Variants in CCDC92 observed in about 807,000 individuals in gnomAD.
CCDC92 encodes the protein coiled-coil domain containing 92.
CCDC92 carries 12 observed loss-of-function variants against 24.9 expected under a neutral mutation model. That is an observed-to-expected ratio of 0.48 (90% confidence interval 0.31 to 0.78). The LOEUF is 0.78. CCDC92 is among the 30% of genes least tolerant of loss of function. The probability of loss-of-function intolerance (pLI) is 0.05; values close to 1 mark genes in which losing one functional copy is unlikely to be tolerated. For missense variants in CCDC92, 399 were observed against 439.4 expected, an observed-to-expected ratio of 0.91 and a Z score of 0.82; for synonymous variants, 193 against 196.3, an observed-to-expected ratio of 0.98 and a Z score of 0.14.
intron 1 of CCDC92, among the ~76,000 whole-genome samples, chr12:123,965,694 A>G (rs1490381178): frequency 6.6e-6 from 1 of 152,210 alleles, no homozygotes; most frequent in Non-Finnish European, 1.5e-5. Context: ...AGGGACTCTA[A>G]AGACTGTCAG....
At chr12:123,963,102 A>C (rs1226878688) in intron 1 of CCDC92, among the ~76,000 whole-genome samples, 1 of 152,144 alleles carries the variant, frequency 6.6e-6, no homozygotes, top group African/African-American at 2.4e-5. Context: ...TCTAGTGGGC[A>C]GGGCCAGGGG....
At chr12:123,949,462 C>T (rs1949927762) in intron 1 of CCDC92, among the ~76,000 whole-genome samples, 1 of 152,244 alleles carries the variant, frequency 6.6e-6, no homozygotes, top group African/African-American at 2.4e-5. Flanking sequence ...GGGGCTCCAA[C>T]TGACTATCAC....
At chr12:123,947,151 A>C (rs1955895483) in intron 1 of CCDC92, among the ~76,000 whole-genome samples, 1 of 152,162 alleles carries the variant, frequency 6.6e-6, no homozygotes, top group South Asian at 2.1e-4. Flanking sequence ...GTGCCAGCCC[A>C]CCAGCGCTGC....
intron 4 of CCDC92, among the ~76,000 whole-genome samples, chr12:123,940,776 C>T (rs554489627): frequency 2.2e-4 from 34 of 152,288 alleles, no homozygotes; most frequent in Non-Finnish European, 3.4e-4. Flanking sequence ...TCCCTGGGCC[C>T]GCCCAGACTT....
intron 4 of CCDC92, among the ~76,000 whole-genome samples, chr12:123,942,060 G>A (rs1955701215): frequency 6.6e-6 from 1 of 152,224 alleles, no homozygotes; most frequent in Admixed American, 6.5e-5. Flanking sequence ...AGGTGTCTCT[G>A]CACAAACATG....
intron 3 of CCDC92, 86 bp from the exon 4 acceptor site, chr12:123,942,871 G>A (rs769371202): frequency 2.6e-5 from 28 of 1,079,546 alleles, no homozygotes; most frequent in Admixed American, 5.1e-5. Flanking sequence ...CGATTCCCAC[G>A]ATTAGCCAGC....
rs1955516929 is a variant in CCDC92, at chr12:123,936,993, T to C, written c.*65A>G. 2 of 1,567,078 alleles carry C rather than the reference T, an allele frequency of 1.3e-6. No individual in the cohort carries two copies. Among genetic ancestry groups the C allele is most frequent in the South Asian group, 1.1e-5 (1 of 88,238 alleles). On this transcript the variant is annotated 3_prime_UTR_variant, in exon 5 of 5. Transcript: ENST00000238156. ...CATGCATGGGATTAAACAGAAAAGG[T>C]GTGGCTGAGATTTCCCAGTGGTGCT...
At position 123,943,381 on chromosome 12, in the gene CCDC92, G is replaced by A; in HGVS notation, c.147C>T (p.His49=). The A allele has an allele frequency of 6.2e-7, 1 of 1,613,956 alleles. No homozygotes were observed. The highest frequency in any genetic ancestry group is 1.6e-4 in the Middle Eastern group (1 of 6,062). ...REHASTLKGL[H]SEIRRLQQHC... Reference sequence around the variant, plus strand: ...GCTGCTGCAGCCGCCTGATCTCGGAGTGCAGCCCCTTGAGCGTGCTGGCAT... The same window carrying A: ...GCTGCTGCAGCCGCCTGATCTCGGAATGCAGCCCCTTGAGCGTGCTGGCAT... The change falls in exon 3 of 5, where the codon CAC becomes CAT. Residue 49 remains histidine (H), a synonymous_variant. Coordinates refer to ENST00000238156, the MANE Select transcript of CCDC92 (RefSeq NM_025140.3).
intron 1 of CCDC92, among the ~76,000 whole-genome samples, chr12:123,958,240 A>G (rs951520991): frequency 1.3e-5 from 2 of 151,728 alleles, no homozygotes; most frequent in African/African-American, 4.8e-5. Flanking sequence ...TTTAGTAGAG[A>G]CGGGGTTTCT....
At chr12:123,968,860 A>G (rs1956454816) in intron 1 of CCDC92, among the ~76,000 whole-genome samples, 1 of 152,276 alleles carries the variant, frequency 6.6e-6, no homozygotes, top group Admixed American at 6.5e-5. Flanking sequence ...AACTACTTTA[A>G]AAGACATTTA....
At chr12:123,950,976 G>A (rs909974595) in intron 1 of CCDC92, among the ~76,000 whole-genome samples, 9 of 152,054 alleles carry the variant, frequency 5.9e-5, no homozygotes, top group Non-Finnish European at 1.0e-4. Context: ...GGGTCCCCTC[G>A]GGGCTGGTGT....
intron 4 of CCDC92, among the ~76,000 whole-genome samples, chr12:123,940,147 C>G (rs866286398): frequency 2.0e-5 from 3 of 152,212 alleles, no homozygotes; most frequent in Non-Finnish European, 2.9e-5. Flanking sequence ...CTGTGAGGGG[C>G]AGCCCACAAA....
Position 123,937,083 on chromosome 12 carries a change from T to C in CCDC92, c.971A>G (p.His324Arg). 1.2e-6 allele frequency: 2 copies of C among 1,613,904 alleles called. No individual in the cohort carries two copies. Among genetic ancestry groups the C allele is most frequent in the Non-Finnish European group, 1.7e-6 (2 of 1,179,984 alleles). ...TCACACAGTTCTGTCCGTCCCTGAGTGCTTCCTCACCACCTTGCCTCCGTT... is the reference window on the plus strand; with the variant it reads ...TCACACAGTTCTGTCCGTCCCTGAGCGCTTCCTCACCACCTTGCCTCCGTT... ...QVNGGKVVRK[H>R]SGTDRTV The change falls in exon 5 of 5, where the codon CAC becomes CGC. Residue 324 changes from histidine to arginine, a missense_variant. His to Arg is a conservative substitution (Grantham distance 29, BLOSUM62 0). Coordinates refer to ENST00000238156, the MANE Select transcript of CCDC92 (RefSeq NM_025140.3). The surrounding 1 kb of genome is among the most constrained non-coding windows in gnomAD (Gnocchi z 8.4).
intron 4 of CCDC92, among the ~76,000 whole-genome samples, chr12:123,939,850 A>G (rs1315216092): frequency 6.6e-6 from 1 of 152,164 alleles, no homozygotes; most frequent in Non-Finnish European, 1.5e-5. Context: ...TGCAACCTGA[A>G]ATGCTGACCT....
intron 1 of CCDC92, among the ~76,000 whole-genome samples, chr12:123,962,159 A>G (rs575851344): frequency 7.6e-5 from 11 of 143,806 alleles, no homozygotes; most frequent in East Asian, 1.9e-4. Flanking sequence ...CTGCTTGTGG[A>G]AAAAAAAAAT....
At chr12:123,953,774 T>C (rs1956084303) in intron 1 of CCDC92, among the ~76,000 whole-genome samples, 1 of 120,454 alleles carries the variant, frequency 8.3e-6, no homozygotes, top group Non-Finnish European at 1.8e-5. Flanking sequence ...CAAGACTCCG[T>C]CTCAAAAACA....
chr12:123,937,202 C>T lies in CCDC92; in HGVS notation c.852G>A (p.Pro284=), dbSNP rs150791096. 48 of 1,609,046 alleles carry T rather than the reference C, an allele frequency of 3.0e-5. No homozygotes were observed. Among genetic ancestry groups the T allele is most frequent in the Middle Eastern group, 3.3e-4 (2 of 6,074 alleles). ...GEQHSPAREK[P]HKAHVGVAHR... is the part of the protein sequence containing the mutation. Reference sequence around the variant, plus strand: ...GTGCCACCCCGACGTGGGCCTTGTGCGGCTTTTCGCGGGCCGGGCTGTGCT... The same window carrying T: ...GTGCCACCCCGACGTGGGCCTTGTGTGGCTTTTCGCGGGCCGGGCTGTGCT... Residue 284 remains proline, a synonymous_variant, in exon 5 of 5, where the codon CCG becomes CCA. Transcript: ENST00000238156. The surrounding 1 kb of genome is among the most constrained non-coding windows in gnomAD (Gnocchi z 8.4).
At chr12:123,954,088 A>C (rs1956093603) in intron 1 of CCDC92, among the ~76,000 whole-genome samples, 1 of 151,338 alleles carries the variant, frequency 6.6e-6, no homozygotes, top group African/African-American at 2.4e-5. Context: ...AGAAAAAATA[A>C]AGTTTTCTCT....
chr12:123,958,982 T>C (rs1209248747), intron 1 of CCDC92, among the ~76,000 whole-genome samples: 3 of 152,184 alleles, frequency 2.0e-5, no homozygotes, highest in Admixed American at 2.0e-4. Flanking sequence ...GCACTCTGGT[T>C]GAAAGTGGAT....
Sources: gnomAD v4.1 joint callset for allele counts (sites outside exome capture counted in the v4.1 genomes callset) on GRCh38, gnomAD v4.1.1 for gene constraint, Gnocchi (gnomAD v3.1) non-coding constraint, MANE v1.5 for transcripts, NCBI Gene and HGNC (gene_info 2026-07-23, HGNC 2026-07-21) for gene names.